Variants in PDE6B observed in about 807,000 individuals in gnomAD.
PDE6B encodes phosphodiesterase 6B, also known as rod cGMP-specific 3',5'-cyclic phosphodiesterase subunit beta.
In PDE6B, 106 loss-of-function variants were observed where a neutral mutation model predicts 109.0. That is an observed-to-expected ratio of 0.97 (90% CI 0.83 to 1.14). The LOEUF (loss-of-function observed/expected upper bound fraction) is 1.14, where lower values mean the gene tolerates loss of function less well. PDE6B is among the 50% of genes most tolerant of loss of function. The pLI is 0.00. For synonymous variants in PDE6B, 490 were observed against 471.3 expected (o/e 1.04, Z -0.51); for missense variants, 1,193 against 1,155.6 (o/e 1.03, Z -0.47).
At chr4:656,449 G>T (rs1010645411) in intron 8 of PDE6B, among the ~76,000 whole-genome samples, 157 bp downstream of exon 8, 3 of 152,186 alleles carry the variant, frequency 2.0e-5, no homozygotes, top group African/African-American at 7.2e-5. Flanking sequence ...GGAGGCTGAG[G>T]CGGGTGGATC....
chr4:627,126 A>G (rs1734147662), intron 1 of PDE6B, among the ~76,000 whole-genome samples: 1 of 150,118 alleles, frequency 6.7e-6, no homozygotes, highest in South Asian at 2.1e-4. Flanking sequence ...GGGAGTGGCA[A>G]TCCTGGTTTG....
rs998740164 is a variant in PDE6B, at chr4:641,952, T to G, written c.711+5983T>G. Among the ~76,000 whole-genome samples, 19 of 151,178 alleles carry G rather than the reference T, an allele frequency of 1.3e-4. No individual in the cohort carries two copies. In the East Asian group the frequency reaches 3.7e-3, roughly 29 times the overall value. On this transcript the variant is annotated intron_variant, in intron 3 of 21. Coordinates refer to ENST00000496514, the MANE Select transcript of PDE6B (RefSeq NM_000283.4). The stretch of plus-strand genomic sequence containing the variant: ...CTGAGCCACCATACCAAGCCAGGAG[T>G]TTTTTATTGATTATTGGTGTTTTTA...
Position 664,946 on chromosome 4 carries a change from T to G in PDE6B, c.2193+2T>G, listed in dbSNP as rs748750637. 1.2e-6 allele frequency: 2 copies of G among 1,610,668 alleles called. No individual in the cohort carries two copies. The highest frequency in any genetic ancestry group is 3.3e-5 in the Admixed American group (2 of 60,018). On this transcript the variant is annotated splice_donor_variant, in intron 18 of 21. Coordinates refer to ENST00000496514, the MANE Select transcript of PDE6B (RefSeq NM_000283.4). LOFTEE classifies it high-confidence loss of function. ...AAGCCCTGGGAAGTCCAGAGCAAGG[T>G]TAGAACAGAGGGCCCTCCAGACCCA...
chr4:652,206 G>A (rs1190279763), intron 3 of PDE6B: 1 of 153,284 alleles, frequency 6.5e-6, no homozygotes, highest in African/African-American at 2.4e-5. Flanking sequence ...GGTGCTCAGG[G>A]GCTGCAGGGG....
chr4:649,230 T>C (rs1430286157), intron 3 of PDE6B, among the ~76,000 whole-genome samples: 3 of 152,166 alleles, frequency 2.0e-5, no homozygotes, highest in Non-Finnish European at 2.9e-5. Flanking sequence ...ATAGGTTACA[T>C]GATTTAATTG....
intron 1 of PDE6B, among the ~76,000 whole-genome samples, chr4:632,929 G>A (rs1040619577): frequency 6.6e-6 from 1 of 152,192 alleles, no homozygotes; most frequent in East Asian, 1.9e-4. Flanking sequence ...CCAGGTGAGG[G>A]TGTCAGTGAG....
rs567867534 is a variant in PDE6B at position 659,269 on chromosome 4, C to T, written c.1467+252C>T. Among the ~76,000 whole-genome samples the T allele has an allele frequency of 3.9e-5, 6 of 152,308 alleles. No homozygotes were observed. In the South Asian group the frequency reaches 1.2e-3, roughly 32 times the overall value. On this transcript the variant is annotated intron_variant, in intron 11 of 21. Transcript: ENST00000496514. The stretch of plus-strand genomic sequence containing the variant: ...GAATGTGGCTTTGATGTCTGCACTC[C>T]TGAGTGTATCTTCGTGTCTTCCTGT...
chr4:668,134 CA>C (rs1333735552), intron 21 of PDE6B, 128 bp downstream of exon 21: 2 of 920,482 alleles, frequency 2.2e-6, no homozygotes, highest in African/African-American at 1.6e-5. Flanking sequence ...TCGAGGTGGA[CA>C]GGGCCACAGT....
At chr4:644,589 G>T (rs1189146568) in intron 3 of PDE6B, among the ~76,000 whole-genome samples, 1 of 151,918 alleles carries the variant, frequency 6.6e-6, no homozygotes, top group Non-Finnish European at 1.5e-5. Flanking sequence ...GAGCGCAGTG[G>T]TGTGATCTCA....
intron 10 of PDE6B, 74 bp from the exon 11 acceptor site, chr4:658,878 G>A (rs1009019614): frequency 7.3e-5 from 78 of 1,070,484 alleles, no homozygotes; most frequent in African/African-American, 5.7e-4. Context: ...TAGCTCACAC[G>A]GGGTGGACGC....
rs780686102 is a variant in PDE6B, at chr4:670,305, C to T, written c.*198C>T. ...TCACCCAGGCTGGAGTGCCGTGGCA[C>T]GATCTCAGCTCACTGCAACCTCCAC... On this transcript the variant is annotated 3_prime_UTR_variant, in exon 22 of 22. Coordinates refer to ENST00000496514, the MANE Select transcript of PDE6B (RefSeq NM_000283.4). The T allele has an allele frequency of 3.4e-5, 23 of 685,938 alleles. No individual in the cohort carries two copies. The highest frequency in any genetic ancestry group is 9.4e-5 in the African/African-American group (5 of 52,960). The allele number at this position is 685,938 out of a possible 1,614,324, so 42.5% of individuals were successfully genotyped here.
intron 5 of PDE6B, 61 bp downstream of exon 5, chr4:654,215 T>C: frequency 2.4e-6 from 3 of 1,252,440 alleles, no homozygotes; most frequent in Non-Finnish European, 3.5e-6. Flanking sequence ...TGACTCCAAC[T>C]CCAGGGCAGG....
chr4:665,416 T>G lies in PDE6B; in HGVS notation c.2268+87T>G. 1.1e-6 allele frequency: 1 copy of G among 919,688 alleles called. No individual in the cohort carries two copies. Among genetic ancestry groups the G allele is most frequent in the Non-Finnish European group, 1.8e-6 (1 of 560,108 alleles). The allele number at this position is 919,688 out of a possible 1,614,324, so 57.0% of individuals were successfully genotyped here. A position where few individuals can be genotyped will look rare whatever the true frequency, so the allele number is the denominator to read the frequency against. ...TCAGGAGCCTCAGGTCCTGGCTTGGTCTCAGGCAGGGGGTTCTGAGGTCGT... is the reference window on the plus strand; with the variant it reads ...TCAGGAGCCTCAGGTCCTGGCTTGGGCTCAGGCAGGGGGTTCTGAGGTCGT... On this transcript the variant is annotated intron_variant, in intron 19 of 21. Transcript: ENST00000496514. This position sits in a 1 kb window ranked among gnomAD's most constrained non-coding sequence, Gnocchi z 4.0.
intron 3 of PDE6B, among the ~76,000 whole-genome samples, chr4:640,843 C>G (rs1734915175): frequency 1.3e-5 from 2 of 152,240 alleles, no homozygotes; most frequent in Admixed American, 1.3e-4. Context: ...CAAAGATCAC[C>G]TGGCTCTGTT....
At position 665,292 on chromosome 4, in the gene PDE6B, G is replaced by A. The variant is rs1426436377; in HGVS notation, c.2231G>A (p.Gly744Asp). ...GTGGCTGCTGAGTTCTGGGAGCAAG[G>A]TGACTTGGAAAGGACAGTCTTGGAT... ...LLVAAEFWEQ[G>D]DLERTVLDQQ... Residue 744 changes from glycine (G) to aspartate (D), a missense_variant, in exon 19 of 22, where the codon GGT (glycine) becomes GAT (aspartate). By Grantham distance (94) the Gly-to-Asp change is moderately conservative. Transcript: ENST00000496514. This position sits in a 1 kb window ranked among gnomAD's most constrained non-coding sequence, Gnocchi z 4.0. 3 of 1,612,882 alleles carry A rather than the reference G, an allele frequency of 1.9e-6. No homozygotes were observed. Among genetic ancestry groups the A allele is most frequent in the African/African-American group, 2.7e-5 (2 of 74,924 alleles).
At chr4:641,807 C>T (rs1042696840) in intron 3 of PDE6B, among the ~76,000 whole-genome samples, 8 of 152,052 alleles carry the variant, frequency 5.3e-5, no homozygotes, top group Admixed American at 3.3e-4. Flanking sequence ...TCACCATGCC[C>T]ACCTAATTTT....
At position 670,150 on chromosome 4, in the gene PDE6B, C is replaced by T; in HGVS notation, c.*43C>T. On this transcript the variant is annotated 3_prime_UTR_variant, in exon 22 of 22. Transcript: ENST00000496514. ...ACCCTATGGCTCCCTCAATCTTCAC[C>T]CACTAGGATTTGGGTTCTGCCTGTG... The T allele has an allele frequency of 6.2e-7, 1 of 1,611,808 alleles. No individual in the cohort carries two copies. Among genetic ancestry groups the T allele is most frequent in the Non-Finnish European group, 8.5e-7 (1 of 1,178,642 alleles).
rs1239573465 is a variant in PDE6B, at chr4:655,962, G to T, written c.1015G>T (p.Ala339Ser). The change falls in exon 7 of 22, where the codon GCC becomes TCC. Residue 339 changes from alanine to serine, a missense_variant. Ala to Ser is a moderately conservative substitution (Grantham distance 99, BLOSUM62 1). Transcript: ENST00000496514. ...VIPTPSADHW[A>S]LASGLPSYVA... The stretch of plus-strand genomic sequence containing the variant: ...CAGCACACCCTCAGCCGATCACTGG[G>T]CCCTGGCCAGCGGCCTTCCAAGCTA... 1 of 1,611,202 alleles carries T rather than the reference G, an allele frequency of 6.2e-7. No individual in the cohort carries two copies.
chr4:653,966 G>A lies in PDE6B; in HGVS notation c.826G>A (p.Gly276Ser). The A allele has an allele frequency of 1.2e-6, 2 of 1,613,876 alleles. No homozygotes were observed. The highest frequency in any genetic ancestry group is 1.1e-5 in the South Asian group (1 of 91,084). The change falls in exon 4 of 22, where the codon GGC (glycine) becomes AGC (serine). Residue 276 changes from glycine to serine, a missense_variant. Transcript: ENST00000496514. The part of the protein sequence containing the change: ...AYLNCERYSV[G>S]LLDMTKEKEF... ...CCTCAACTGCGAGCGGTACTCCGTGGGCCTCCTGGACATGACCAAGGAGAA... is the reference window on the plus strand; with the variant it reads ...CCTCAACTGCGAGCGGTACTCCGTGAGCCTCCTGGACATGACCAAGGAGAA...
Sources: gnomAD v4.1 joint callset for allele counts (sites outside exome capture counted in the v4.1 genomes callset) on GRCh38, gnomAD v4.1.1 for gene constraint, Gnocchi (gnomAD v3.1) non-coding constraint, MANE v1.5 for transcripts, NCBI Gene and HGNC (gene_info 2026-07-23, HGNC 2026-07-21) for gene names.